Variants in SIPA1L3 observed in about 807,000 individuals in gnomAD.
The protein encoded by SIPA1L3 is signal induced proliferation associated 1 like 3.
A neutral mutation model predicts 150.1 loss-of-function variants in SIPA1L3; 59 were observed. That is an observed-to-expected ratio of 0.39 (90% confidence interval 0.32 to 0.49). The LOEUF is 0.49. Among genes scored for constraint, SIPA1L3 ranks in the 20% least tolerant of loss-of-function variants. The pLI is 0.86. For synonymous variants in SIPA1L3, 1,070 were observed against 1,077.6 expected (o/e 0.99, Z 0.14); for missense variants, 2,211 against 2,489.5 (o/e 0.89, Z 2.38).
intron 18 of SIPA1L3, among the ~76,000 whole-genome samples, chr19:38,197,099 T>C (rs954561425): frequency 1.3e-5 from 2 of 152,116 alleles, no homozygotes; most frequent in African/African-American, 4.8e-5. Context: ...TCAGTTTTCC[T>C]CTTCCATGAG....
In SIPA1L3 at chr19:38,088,847, G is replaced by A. The variant is rs755901069; in HGVS notation, c.1661G>A (p.Arg554His). 99 of 1,613,542 alleles carry A rather than the reference G, an allele frequency of 6.1e-5. No homozygotes were observed. In the South Asian group the frequency reaches 7.6e-4, roughly 12 times the overall value. The change falls in exon 4 of 22, where the codon CGC becomes CAC. Residue 554 changes from arginine (R) to histidine (H), a missense_variant. Arg to His is a conservative substitution (Grantham distance 29, BLOSUM62 0). Coordinates refer to ENST00000222345, the MANE Select transcript of SIPA1L3 (RefSeq NM_015073.3). Reference sequence around the variant, plus strand: ...CAGTACAGGATCATCTTCCGGACCCGCGAGGTAGGTCCCATCACTCTCGTT... The same window carrying A: ...CAGTACAGGATCATCTTCCGGACCCACGAGGTAGGTCCCATCACTCTCGTT... ...QYQYRIIFRTRELITLRGSIL... is the reference protein window; with the variant it reads ...QYQYRIIFRTHELITLRGSIL...
chr19:38,173,434 A>T (rs1374350528), intron 15 of SIPA1L3, among the ~76,000 whole-genome samples: 1 of 152,270 alleles, frequency 6.6e-6, no homozygotes, highest in Non-Finnish European at 1.5e-5. Context: ...CAGTGGGCTG[A>T]GTGATCCTGG....
intron 10 of SIPA1L3, among the ~76,000 whole-genome samples, chr19:38,138,671 G>C (rs899747429): frequency 2.7e-5 from 1 of 36,894 alleles, no homozygotes; most frequent in African/African-American, 2.7e-4. Flanking sequence ...GCCAAGGTGG[G>C]CGGATCACCT....
At chr19:38,085,166 A>C (rs1448656552) in intron 3 of SIPA1L3, among the ~76,000 whole-genome samples, 1 of 151,950 alleles carries the variant, frequency 6.6e-6, no homozygotes, top group East Asian at 1.9e-4. Flanking sequence ...AATGACACAG[A>C]GATTGAAAAG....
At chr19:38,141,563 T>C (rs1362738766) in intron 11 of SIPA1L3, 128 bp downstream of exon 11, 8 of 989,224 alleles carry the variant, frequency 8.1e-6, no homozygotes, top group Non-Finnish European at 1.0e-5. Context: ...TTCCTTCTTA[T>C]CCTTATGTCT....
intron 1 of SIPA1L3, among the ~76,000 whole-genome samples, chr19:37,921,967 G>A (rs1350788909): frequency 4.1e-4 from 63 of 152,140 alleles, no homozygotes; most frequent in Admixed American, 4.0e-3. Flanking sequence ...TGAGTCTAGT[G>A]TGGAGGGAAT....
In SIPA1L3 at chr19:37,977,583, G is replaced by GCC. The variant is rs537035094; in HGVS notation, c.-378-51498_-378-51497dup. ...TCCCATGATTGGCAGTCCCCTCCAC[G>GCC]CCCCCCCCCACAGAAGTAGGAGGAA... On this transcript the variant is annotated intron_variant, in intron 1 of 21. Coordinates refer to ENST00000222345, the MANE Select transcript of SIPA1L3 (RefSeq NM_015073.3). Among the ~76,000 whole-genome samples the GCC allele has an allele frequency of 6.1e-3, 922 of 150,470 alleles. 13 individuals carry two copies. The highest frequency in any genetic ancestry group is 0.022 in the African/African-American group (891 of 41,022).
intron 2 of SIPA1L3, among the ~76,000 whole-genome samples, chr19:38,052,287 C>T (rs1180331256): frequency 1.3e-5 from 2 of 152,164 alleles, no homozygotes; most frequent in East Asian, 3.8e-4. Context: ...GAATTCAATA[C>T]AGGGAATTTG....
At chr19:37,908,940 T>G (rs763341254) in intron 1 of SIPA1L3, among the ~76,000 whole-genome samples, 59 of 152,196 alleles carry the variant, frequency 3.9e-4, no homozygotes, top group South Asian at 2.1e-4. Flanking sequence ...AGCCTGTGCT[T>G]CTTTGATGCT....
At chr19:38,166,271 T>C (rs1972207922) in intron 15 of SIPA1L3, among the ~76,000 whole-genome samples, 1 of 151,132 alleles carries the variant, frequency 6.6e-6, no homozygotes. Flanking sequence ...CTGGCCAACA[T>C]GGTGAAACCC....
chr19:38,122,408 C>T (rs2145901458), intron 9 of SIPA1L3, among the ~76,000 whole-genome samples: 1 of 152,344 alleles, frequency 6.6e-6, no homozygotes, highest in African/African-American at 2.4e-5. Flanking sequence ...TGCCCACATT[C>T]GTCAGCTCCA....
chr19:38,058,054 A>C (rs559104919), intron 2 of SIPA1L3, among the ~76,000 whole-genome samples: 231 of 152,048 alleles, frequency 1.5e-3, no homozygotes, highest in African/African-American at 5.3e-3. Context: ...TGTCCTGGGG[A>C]GTGGCCAGTT....
chr19:38,187,757 T>C (rs1279259938), intron 16 of SIPA1L3, among the ~76,000 whole-genome samples: 1 of 146,186 alleles, frequency 6.8e-6, no homozygotes, highest in African/African-American at 2.5e-5. Context: ...AAAAAAAAAC[T>C]TTTTTCAAGG....
chr19:37,924,329 A>G (rs2046482496), intron 1 of SIPA1L3, among the ~76,000 whole-genome samples: 1 of 151,408 alleles, frequency 6.6e-6, no homozygotes, highest in East Asian at 1.9e-4. Flanking sequence ...GGGGGCAGTA[A>G]CACACGTGGA....
chr19:37,958,211 A>G (rs1568479229), intron 1 of SIPA1L3, among the ~76,000 whole-genome samples: 1 of 151,916 alleles, frequency 6.6e-6, no homozygotes, highest in Non-Finnish European at 1.5e-5. Flanking sequence ...GGGTAGTTGG[A>G]TTGCTTCAGC....
intron 16 of SIPA1L3, chr19:38,182,950 G>T: frequency 1.9e-6 from 1 of 537,058 alleles, no homozygotes; most frequent in South Asian, 2.9e-5. Flanking sequence ...ACAATAAGTA[G>T]AATAAGAGAA....
intron 8 of SIPA1L3, among the ~76,000 whole-genome samples, chr19:38,115,455 A>C (rs759202517): frequency 6.6e-6 from 1 of 152,220 alleles, no homozygotes; most frequent in Non-Finnish European, 1.5e-5. Context: ...AGAATGGATC[A>C]GAGGGGGCAG....
chr19:38,201,599 GCTT>G (rs1272274621), intron 19 of SIPA1L3, among the ~76,000 whole-genome samples: 1 of 152,220 alleles, frequency 6.6e-6, no homozygotes, highest in Non-Finnish European at 1.5e-5. Context: ...CATCTAACTG[GCTT>G]CTTCAGCCCT....
Position 38,164,362 on chromosome 19 carries a change from C to G in SIPA1L3, c.3781-117C>G. On this transcript the variant is annotated intron_variant, in intron 14 of 21. Transcript: ENST00000222345. The surrounding 1 kb of genome is among the most constrained non-coding windows in gnomAD (Gnocchi z 4.1). ...GGTAACACGGCCAGTAGATGAGAAG[C>G]CAGGATTTGAAGCTGTCTGGTCCCA... The G allele has an allele frequency of 1.0e-6, 1 of 961,040 alleles. No homozygotes were observed. The allele number at this position is 961,040 out of a possible 1,614,324, so 59.5% of individuals were successfully genotyped here. A position where few individuals can be genotyped will look rare whatever the true frequency, so the allele number is the denominator to read the frequency against.
Sources: allele counts gnomAD v4.1 joint callset (sites outside exome capture counted in the v4.1 genomes callset), GRCh38; gene constraint gnomAD v4.1.1; non-coding constraint Gnocchi (gnomAD v3.1); transcripts MANE v1.5; gene names NCBI Gene and HGNC (gene_info 2026-07-23, HGNC 2026-07-21).